The following CADM2 variants were observed in gnomAD, a reference collection of about 807,000 sequenced individuals.
The protein encoded by CADM2 is cell adhesion molecule 2, also known as immunoglobulin superfamily member 4D.
Under a neutral mutation model 49.8 loss-of-function variants are expected in CADM2, and 12 were observed. That is an observed-to-expected ratio of 0.24 (90% CI 0.15 to 0.39). The LOEUF is 0.39. CADM2 is among the 10% of genes least tolerant of loss of function. The pLI is 1.00. For missense variants in CADM2, 378 were observed against 492.3 expected (o/e 0.77, Z 2.20); for synonymous variants, 214 against 175.4 (o/e 1.22, Z -1.74).
At chr3:85,581,017 G>GT (rs1439793714) in intron 1 of CADM2, among the ~76,000 whole-genome samples, 1 of 151,836 alleles carries the variant, frequency 6.6e-6, no homozygotes, top group African/African-American at 2.4e-5. Flanking sequence ...ATGACGTTTG[G>GT]TTTTTTGTTT....
chr3:85,972,941 G>C (rs576905055), intron 8 of CADM2, among the ~76,000 whole-genome samples: 18 of 151,720 alleles, frequency 1.2e-4, no homozygotes, highest in African/African-American at 4.1e-4. Flanking sequence ...ATATTATTTA[G>C]AGCTCTAACA....
At chr3:86,014,015 T>C in intron 8 of CADM2, 1 of 1,400,658 alleles carries the variant, frequency 7.1e-7, no homozygotes, top group Non-Finnish European at 9.7e-7. Flanking sequence ...CTTTTTTCCC[T>C]TGATCACAAC....
intron 1 of CADM2, among the ~76,000 whole-genome samples, chr3:85,613,007 T>A (rs1277246309): frequency 6.6e-6 from 1 of 151,678 alleles, no homozygotes; most frequent in Non-Finnish European, 1.5e-5. Flanking sequence ...ATTACAGAGA[T>A]GGAATGACAG....
In CADM2 at chr3:85,636,356, A is replaced by C. The variant is rs191056418; in HGVS notation, c.62-90166A>C. Among the ~76,000 whole-genome samples the C allele has an allele frequency of 6.5e-4, 99 of 152,340 alleles. 1 individual carries two copies. The highest frequency in any genetic ancestry group is 6.2e-3 in the Admixed American group (95 of 15,306). ...TAAAAAATAAAAAGGTTACTTTTAAAAAATGAAAAATTGAAAAAAGCTTAT... is the reference window on the plus strand; with the variant it reads ...TAAAAAATAAAAAGGTTACTTTTAACAAATGAAAAATTGAAAAAAGCTTAT... On this transcript the variant is annotated intron_variant, in intron 1 of 9. Coordinates refer to ENST00000383699, the MANE Select transcript of CADM2 (RefSeq NM_001167675.2).
At chr3:85,058,417 G>A (rs1402231726) in intron 1 of CADM2, among the ~76,000 whole-genome samples, 3 of 151,944 alleles carry the variant, frequency 2.0e-5, no homozygotes, top group African/African-American at 7.2e-5. Flanking sequence ...TTTTGTTGTT[G>A]TTGTTGTTAA....
chr3:85,776,079 A>G (rs73845654), intron 2 of CADM2, among the ~76,000 whole-genome samples: 7,716 of 151,860 alleles, frequency 0.051, 552 homozygotes, highest in African/African-American at 0.16. Flanking sequence ...TTATAATGAG[A>G]ATATATAAGA....
At position 86,014,588 on chromosome 3, in the gene CADM2, G is replaced by C. The variant is rs143555849; in HGVS notation, c.971-51017G>C. 1.2e-5 allele frequency: 19 copies of C among 1,600,600 alleles called. No individual in the cohort carries two copies. In the African/African-American group the frequency reaches 2.1e-4, roughly 18 times the overall value. ...AAACACTAAGTGTCCCAACAGTGGA[G>C]CACATTATTCAGGAACTTAAAGATA... On this transcript the variant is annotated intron_variant, in intron 8 of 9. Coordinates refer to ENST00000383699, the MANE Select transcript of CADM2 (RefSeq NM_001167675.2).
intron 1 of CADM2, among the ~76,000 whole-genome samples, chr3:85,467,555 G>A (rs994785829): frequency 1.3e-5 from 2 of 151,672 alleles, no homozygotes; most frequent in African/African-American, 2.4e-5. Flanking sequence ...TGATAGAGAC[G>A]TCATGAAAGT....
At chr3:85,596,874 G>A (rs992411515) in intron 1 of CADM2, among the ~76,000 whole-genome samples, 4 of 151,850 alleles carry the variant, frequency 2.6e-5, no homozygotes, top group African/African-American at 9.7e-5. Context: ...GCCCCACCAC[G>A]CCCAGCTAAT....
chr3:85,739,117 T>C (rs1405107560), intron 2 of CADM2, among the ~76,000 whole-genome samples: 1 of 152,252 alleles, frequency 6.6e-6, no homozygotes, highest in African/African-American at 2.4e-5. Context: ...ACATTTATCA[T>C]TGGCTTCCTA....
intron 1 of CADM2, among the ~76,000 whole-genome samples, chr3:85,489,643 T>A (rs142698479): frequency 0.014 from 2,035 of 142,610 alleles, 115 homozygotes; most frequent in South Asian, 0.11. Flanking sequence ...CCCTAAAACT[T>A]AAAGTATAAT....
At chr3:85,328,193 T>C (rs2044808943) in intron 1 of CADM2, among the ~76,000 whole-genome samples, 1 of 152,228 alleles carries the variant, frequency 6.6e-6, no homozygotes, top group African/African-American at 2.4e-5. Context: ...TTAATATGAA[T>C]TCCTGTCTAA....
chr3:85,965,289 A>C (rs140146571), intron 8 of CADM2, among the ~76,000 whole-genome samples: 1,646 of 146,978 alleles, frequency 0.011, 24 homozygotes, highest in African/African-American at 0.037. Flanking sequence ...AATCATAATA[A>C]ATATTTAAAT....
chr3:85,633,042 G>A (rs1448253734), intron 1 of CADM2, among the ~76,000 whole-genome samples: 1 of 151,868 alleles, frequency 6.6e-6, no homozygotes, highest in Non-Finnish European at 1.5e-5. Context: ...GCATAGTATC[G>A]TCAAGTACAC....
chr3:85,892,417 T>G (rs1435042323), intron 5 of CADM2, among the ~76,000 whole-genome samples: 6 of 152,172 alleles, frequency 3.9e-5, no homozygotes, highest in Non-Finnish European at 7.4e-5. Context: ...AATCTCATCT[T>G]GAATTCTAGC....
At chr3:85,019,996 T>C (rs1263652027) in intron 1 of CADM2, among the ~76,000 whole-genome samples, 2 of 152,170 alleles carry the variant, frequency 1.3e-5, no homozygotes, top group East Asian at 1.9e-4. Context: ...TACAAAGATA[T>C]ATGTTTTATC....
At chr3:85,060,069 C>A (rs896362920) in intron 1 of CADM2, among the ~76,000 whole-genome samples, 17 of 152,144 alleles carry the variant, frequency 1.1e-4, no homozygotes, top group Admixed American at 6.6e-5. Flanking sequence ...GTGTCACATT[C>A]CCAAAGATCC....
At chr3:85,872,362 C>T (rs1478422702) in intron 3 of CADM2, among the ~76,000 whole-genome samples, 1 of 152,068 alleles carries the variant, frequency 6.6e-6, no homozygotes, top group Non-Finnish European at 1.5e-5. Context: ...TACTGCTGAA[C>T]CATTATATTT....
intron 1 of CADM2, among the ~76,000 whole-genome samples, chr3:85,544,872 G>A (rs2061631087): frequency 6.6e-6 from 1 of 151,934 alleles, no homozygotes; most frequent in South Asian, 2.1e-4. Flanking sequence ...AGGAAGGAAG[G>A]AGAGGAGAGG....
Sources: allele counts gnomAD v4.1 joint callset (sites outside exome capture counted in the v4.1 genomes callset), GRCh38; gene constraint gnomAD v4.1.1; transcripts MANE v1.5; gene names NCBI Gene and HGNC (gene_info 2026-07-23, HGNC 2026-07-21).